Variants in DMD observed in about 807,000 individuals in gnomAD.
DMD encodes dystrophin, also known as mutant dystrophin.
DMD carries 63 observed loss-of-function variants against 330.1 expected under a neutral mutation model. The observed-to-expected ratio is 0.19, with a 90% confidence interval of 0.16 to 0.24. The LOEUF is 0.24. DMD is among the 10% of genes least tolerant of loss of function. The pLI, the probability that DMD is intolerant of heterozygous loss-of-function variation, is 1.00. For synonymous variants in DMD, 1,223 were observed against 959.8 expected (o/e 1.27, Z -5.07); for missense variants, 3,344 against 2,684.1 (o/e 1.25, Z -5.43).
At chrX:32,195,356 T>C (rs1363495231) in intron 44 of DMD, among the ~76,000 whole-genome samples, 1 of 111,204 alleles carries the variant, frequency 9.0e-6, no homozygotes, top group African/African-American at 3.3e-5. Flanking sequence ...ATAGAGGAGT[T>C]ATTCAACTAA....
chrX:32,503,951 A>T (rs1386525706), intron 18 of DMD, among the ~76,000 whole-genome samples: 2 of 112,111 alleles, frequency 1.8e-5, no homozygotes, highest in African/African-American at 6.5e-5. Context: ...AAACTGCAGT[A>T]ATCAAGACAG....
intron 51 of DMD, among the ~76,000 whole-genome samples, chrX:31,740,543 G>T (rs1450509355): frequency 8.9e-6 from 1 of 112,250 alleles, no homozygotes; most frequent in Admixed American, 9.4e-5. Flanking sequence ...GAATATTTTT[G>T]GTTCCCCAGT....
At chrX:32,586,458 T>G (rs2054300388) in intron 13 of DMD, among the ~76,000 whole-genome samples, 1 of 108,728 alleles carries the variant, frequency 9.2e-6, no homozygotes, top group Admixed American at 9.9e-5. Flanking sequence ...TATATATGTT[T>G]ATATTATATA....
chrX:31,825,186 C>T (rs1397204043), intron 49 of DMD, among the ~76,000 whole-genome samples: 1 of 111,581 alleles, frequency 9.0e-6, no homozygotes, highest in Admixed American at 9.6e-5. Flanking sequence ...AGACAGAATA[C>T]TAAAAGCAAT....
At position 31,146,294 on chromosome X, in the gene DMD, T is replaced by C; in HGVS notation, c.10918A>G (p.Met3640Val). Residue 3640 changes from methionine (M) to valine (V), a missense_variant, in exon 76 of 79, where the codon ATG becomes GTG. By Grantham distance (21) the Met-to-Val change is conservative. Transcript: ENST00000357033. Reference protein sequence around the residue: ...RVVGSQTSDSMGEEDLLSPPQ... With the variant: ...RVVGSQTSDSVGEEDLLSPPQ... ...TGAGAGTAGCTAGGACACTTACCCATGGAGTCCGAAGTTTGACTGCCAACC... is the reference window on the plus strand; with the variant it reads ...TGAGAGTAGCTAGGACACTTACCCACGGAGTCCGAAGTTTGACTGCCAACC... 2 of 1,210,916 alleles carry C rather than the reference T, an allele frequency of 1.7e-6. No individual in the cohort carries two copies. The highest frequency in any genetic ancestry group is 2.5e-4 in the Middle Eastern group (1 of 4,000).
intron 48 of DMD, among the ~76,000 whole-genome samples, chrX:31,862,941 G>C (rs1184697379): frequency 8.9e-6 from 1 of 112,914 alleles, no homozygotes; most frequent in East Asian, 2.8e-4. Context: ...AGTTACGTCA[G>C]GCCAGGAGAC....
chrX:31,322,485 C>A (rs1224890939), intron 62 of DMD, among the ~76,000 whole-genome samples: 5 of 111,934 alleles, frequency 4.5e-5, no homozygotes, highest in Non-Finnish European at 9.4e-5. Flanking sequence ...AAAGAATTTT[C>A]AAGTTAAGAG....
chrX:33,124,147 C>CA (rs1469108607), intron 1 of DMD, among the ~76,000 whole-genome samples: 2 of 103,780 alleles, frequency 1.9e-5, no homozygotes, highest in African/African-American at 7.1e-5. Flanking sequence ...GCCTGGGCGA[C>CA]AGAGGGAGAC....
At chrX:32,336,054 CGTTATATATAACGTGT>C (rs2097712846) in intron 41 of DMD, among the ~76,000 whole-genome samples, 1 of 42,072 alleles carries the variant, frequency 2.4e-5, no homozygotes, top group Non-Finnish European at 5.7e-5. Flanking sequence ...GTATATATAA[CGTTATATATAACGTGT>C]GTATAACATG....
intron 47 of DMD, among the ~76,000 whole-genome samples, chrX:31,881,414 A>G (rs1184232324): frequency 9.8e-6 from 1 of 102,403 alleles, no homozygotes; most frequent in African/African-American, 3.6e-5. Flanking sequence ...AAAAAAAAAG[A>G]TAAAAATGTG....
chrX:32,827,340 C>A (rs971955395), intron 4 of DMD, among the ~76,000 whole-genome samples: 4 of 111,115 alleles, frequency 3.6e-5, no homozygotes, highest in African/African-American at 1.3e-4. Flanking sequence ...TGCCAGAAAG[C>A]ATTCAGATCA....
At chrX:32,721,044 T>C (rs1215717503) in intron 7 of DMD, among the ~76,000 whole-genome samples, 1 of 110,560 alleles carries the variant, frequency 9.0e-6, no homozygotes, top group African/African-American at 3.3e-5. Flanking sequence ...CAAATGGCAC[T>C]ATCTTTTGTG....
At chrX:31,314,742 C>CAGAGACAGAGAGAGAGAGAGAGAGAGAG (rs769013334) in intron 62 of DMD, among the ~76,000 whole-genome samples, 4 of 55,281 alleles carry the variant, frequency 7.2e-5, no homozygotes, top group African/African-American at 3.4e-4. Flanking sequence ...AATACATACA[C>CAGAGACAGAGAGAGAGAGAGAGAGAGAG]AGAGAGAGAG....
At chrX:32,008,517 G>A (rs1359037476) in intron 44 of DMD, among the ~76,000 whole-genome samples, 2 of 111,757 alleles carry the variant, frequency 1.8e-5, no homozygotes, top group Non-Finnish European at 3.8e-5. Context: ...TGTAAACAAC[G>A]TGCTTTGCCA....
intron 2 of DMD, among the ~76,000 whole-genome samples, chrX:32,906,282 G>A (rs1029352511): frequency 9.0e-6 from 1 of 111,332 alleles, no homozygotes; most frequent in African/African-American, 3.3e-5. Context: ...TCTTGCCCTT[G>A]CTCCCACCGT....
chrX:33,314,375 A>T (rs1345943580), intron 1 of DMD, among the ~76,000 whole-genome samples: 1 of 108,466 alleles, frequency 9.2e-6, no homozygotes, highest in East Asian at 2.9e-4. Context: ...CTGATGCCTC[A>T]GCTTCCCAAG....
chrX:32,398,689 T>C (rs964971185), intron 30 of DMD, among the ~76,000 whole-genome samples: 1 of 111,582 alleles, frequency 9.0e-6, no homozygotes, highest in African/African-American at 3.2e-5. Context: ...GAGTTCATTA[T>C]AATAATGTAT....
intron 4 of DMD, among the ~76,000 whole-genome samples, chrX:32,830,069 G>A (rs2079038372): frequency 9.0e-6 from 1 of 111,591 alleles, no homozygotes; most frequent in Admixed American, 9.5e-5. Flanking sequence ...CTCTAGAGGA[G>A]GGAGGTATTT....
chrX:31,763,070 G>T (rs775509354), intron 51 of DMD, among the ~76,000 whole-genome samples: 2 of 112,454 alleles, frequency 1.8e-5, no homozygotes, highest in South Asian at 7.2e-4. Context: ...CATCTTTAGC[G>T]GCTATGTCAA....
Sources: gnomAD v4.1 joint callset for allele counts (sites outside exome capture counted in the v4.1 genomes callset) on GRCh38, gnomAD v4.1.1 for gene constraint, MANE v1.5 for transcripts, NCBI Gene and HGNC (gene_info 2026-07-23, HGNC 2026-07-21) for gene names.